NRG3: variants seen among roughly 807,000 people sequenced by gnomAD.
The protein encoded by NRG3 is pro-neuregulin-3, membrane-bound isoform.
In NRG3, 31 loss-of-function variants were observed where a neutral mutation model predicts 66.9. That is an observed-to-expected ratio of 0.46 (90% CI 0.35 to 0.63). The LOEUF (loss-of-function observed/expected upper bound fraction) is 0.63, where lower values mean the gene tolerates loss of function less well. Ranked by LOEUF, NRG3 falls within the 20% of genes least tolerant of loss-of-function variation. NRG3 has a pLI of 0.00. For missense variants in NRG3, 910 were observed against 878.9 expected (o/e 1.04, Z -0.45); for synonymous variants, 393 against 359.4 (o/e 1.09, Z -1.06).
intron 2 of NRG3, among the ~76,000 whole-genome samples, chr10:82,735,018 GA>G (rs1226077181): frequency 5.8e-5 from 6 of 103,778 alleles, no homozygotes; most frequent in East Asian, 5.4e-4. Flanking sequence ...AAAAAAAAAA[GA>G]AAAAAAAAAG....
chr10:82,196,050 A>G (rs771174602), intron 1 of NRG3, among the ~76,000 whole-genome samples: 1 of 152,174 alleles, frequency 6.6e-6, no homozygotes, highest in Non-Finnish European at 1.5e-5. Flanking sequence ...AATTTTGTGA[A>G]CATTTGTTGC....
chr10:82,916,527 A>G (rs181630134), intron 4 of NRG3, among the ~76,000 whole-genome samples: 9 of 152,350 alleles, frequency 5.9e-5, no homozygotes, highest in Non-Finnish European at 1.3e-4. Flanking sequence ...TATACCTTAT[A>G]TAATGTTAGT....
At chr10:82,249,025 C>A (rs958953658) in intron 1 of NRG3, among the ~76,000 whole-genome samples, 3 of 152,164 alleles carry the variant, frequency 2.0e-5, no homozygotes, top group African/African-American at 7.2e-5. Context: ...AGACCCAGAA[C>A]AAATGCTACC....
intron 2 of NRG3, among the ~76,000 whole-genome samples, chr10:82,382,859 A>G (rs1229211807): frequency 1.3e-5 from 2 of 151,970 alleles, no homozygotes; most frequent in Non-Finnish European, 2.9e-5. Context: ...GGTGTATTAA[A>G]CTAATAGTTT....
chr10:82,925,633 G>A (rs1013632156), intron 4 of NRG3, among the ~76,000 whole-genome samples: 2 of 152,190 alleles, frequency 1.3e-5, no homozygotes, highest in Admixed American at 6.5e-5. Context: ...AGACTCCTTT[G>A]CCAAGGGTTA....
chr10:82,650,807 C>T (rs1239204267), intron 2 of NRG3, among the ~76,000 whole-genome samples: 1 of 152,154 alleles, frequency 6.6e-6, no homozygotes. Flanking sequence ...CAGAAAGATT[C>T]AGTAGTCATT....
chr10:82,232,699 A>T, intron 1 of NRG3: 1 of 716,412 alleles, frequency 1.4e-6, no homozygotes, highest in Non-Finnish European at 2.6e-6. Context: ...ACAAGAGGAG[A>T]CACAGGAGAG....
chr10:82,367,342 C>T (rs978203200), intron 2 of NRG3, among the ~76,000 whole-genome samples: 16 of 152,034 alleles, frequency 1.1e-4, no homozygotes, highest in African/African-American at 3.6e-4. Context: ...TTTGGTCTGT[C>T]CCTTAACCCT....
intron 1 of NRG3, among the ~76,000 whole-genome samples, chr10:81,958,957 C>T (rs113114580): frequency 0.01 from 1,532 of 151,928 alleles, 25 homozygotes; most frequent in African/African-American, 0.03. Context: ...AATTTCATGG[C>T]GAGGGGATTT....
intron 1 of NRG3, among the ~76,000 whole-genome samples, chr10:82,188,126 G>T (rs1272763430): frequency 1.3e-5 from 2 of 152,016 alleles, no homozygotes; most frequent in African/African-American, 4.8e-5. Flanking sequence ...AGACATCAAA[G>T]GAACAGAATA....
rs75500995 is a variant in NRG3, at chr10:82,833,985, C to T, written c.1028-31426C>T. 7.4e-4 allele frequency among the ~76,000 whole-genome samples: 112 copies of T among 152,288 alleles called. 1 individual carries two copies. In the East Asian group the frequency reaches 0.02, roughly 28 times the overall value. Reference sequence around the variant, plus strand: ...AATAAAGCCAATTACTTTGCCTGTTCCTTTGTTTGATATACTGCACTCTTT... The same window carrying T: ...AATAAAGCCAATTACTTTGCCTGTTTCTTTGTTTGATATACTGCACTCTTT... On this transcript the variant is annotated intron_variant, in intron 3 of 8. Transcript: ENST00000372141.
intron 1 of NRG3, among the ~76,000 whole-genome samples, chr10:81,992,299 G>A (rs946436793): frequency 6.6e-6 from 1 of 152,058 alleles, no homozygotes; most frequent in African/African-American, 2.4e-5. Context: ...ATTTTTTAGA[G>A]ATATTTGCAT....
chr10:82,232,158 T>G (rs892304713), intron 1 of NRG3: 5 of 152,150 alleles, frequency 3.3e-5, no homozygotes, highest in Admixed American at 1.3e-4. Flanking sequence ...AACCCCCAAG[T>G]CCAGCAGGGA....
intron 4 of NRG3, among the ~76,000 whole-genome samples, chr10:82,888,122 T>C (rs1443619042): frequency 6.6e-6 from 1 of 152,194 alleles, no homozygotes; most frequent in Non-Finnish European, 1.5e-5. Flanking sequence ...TTTCCTTGTC[T>C]AAATGGAGCC....
chr10:82,321,102 GCTAAAA>G (rs1268052887), intron 1 of NRG3, among the ~76,000 whole-genome samples: 2 of 152,234 alleles, frequency 1.3e-5, no homozygotes, highest in Non-Finnish European at 2.9e-5. Context: ...AGATAGCAGA[GCTAAAA>G]TAGCACTGTA....
chr10:82,105,726 A>G (rs2067019340), intron 1 of NRG3, among the ~76,000 whole-genome samples: 1 of 152,214 alleles, frequency 6.6e-6, no homozygotes, highest in African/African-American at 2.4e-5. Flanking sequence ...AGATATTATC[A>G]ATAAATTACA....
intron 2 of NRG3, among the ~76,000 whole-genome samples, chr10:82,443,358 T>TA (rs11423001): frequency 0.22 from 33,232 of 151,932 alleles, 5,318 homozygotes; most frequent in African/African-American, 0.45. Flanking sequence ...TTCTAGATGG[T>TA]AAAAAAAATA....
chr10:82,185,396 C>G lies in NRG3; in HGVS notation c.824-173343C>G, dbSNP rs1337615324. Among the ~76,000 whole-genome samples the G allele has an allele frequency of 2.0e-5, 3 of 152,072 alleles. No individual in the cohort carries two copies. In the East Asian group the frequency reaches 5.8e-4, roughly 29 times the overall value. On this transcript the variant is annotated intron_variant, in intron 1 of 8. Transcript: ENST00000372141. ...TAGCCAGGTCTTTCTTCTTGTTTTT[C>G]CATCTCTGAGCTTTATTCTGGGGTC...
At chr10:82,267,747 G>A (rs567335180) in intron 1 of NRG3, among the ~76,000 whole-genome samples, 1 of 152,146 alleles carries the variant, frequency 6.6e-6, no homozygotes, top group Non-Finnish European at 1.5e-5. Context: ...CGTCCTAATG[G>A]AAACCTATTA....
Sources: allele counts gnomAD v4.1 joint callset (sites outside exome capture counted in the v4.1 genomes callset), GRCh38; gene constraint gnomAD v4.1.1; transcripts MANE v1.5; gene names NCBI Gene and HGNC (gene_info 2026-07-23, HGNC 2026-07-21).